The following PACSIN1 variants were observed in gnomAD, a reference collection of about 807,000 sequenced individuals.
PACSIN1 encodes protein kinase C and casein kinase substrate in neurons protein 1.
PACSIN1 carries 15 observed loss-of-function variants against 59.5 expected under a neutral mutation model. That is an observed-to-expected ratio of 0.25 (90% CI 0.17 to 0.39). PACSIN1 has a LOEUF of 0.39. Ranked by LOEUF, PACSIN1 falls within the 10% of genes least tolerant of loss-of-function variation. The pLI is 1.00. For missense variants in PACSIN1, 420 were observed against 580.2 expected (o/e 0.72, Z 2.84); for synonymous variants, 210 against 220.6 (o/e 0.95, Z 0.42).
intron 1 of PACSIN1, among the ~76,000 whole-genome samples, chr6:34,497,819 G>C (rs1208830789): frequency 6.6e-6 from 1 of 152,148 alleles, no homozygotes; most frequent in Non-Finnish European, 1.5e-5. Flanking sequence ...ATCTCCCAAA[G>C]TCCCCACTGG....
chr6:34,492,762 T>C (rs1766897066), intron 1 of PACSIN1, among the ~76,000 whole-genome samples: 1 of 152,202 alleles, frequency 6.6e-6, no homozygotes, highest in Non-Finnish European at 1.5e-5. Context: ...GAGCTAAACA[T>C]TGAGCACCCA....
intron 1 of PACSIN1, among the ~76,000 whole-genome samples, chr6:34,498,489 G>A (rs1766979252): frequency 1.3e-5 from 2 of 152,064 alleles, no homozygotes; most frequent in Admixed American, 6.6e-5. Context: ...GCAGCAGCCT[G>A]GTCTTGAGGA....
At position 34,514,952 on chromosome 6, in the gene PACSIN1, C is replaced by T. The variant is rs1046912189; in HGVS notation, c.-63-11291C>T. 5 of 152,328 alleles carry T rather than the reference C, an allele frequency of 3.3e-5. No individual in the cohort carries two copies. The highest frequency in any genetic ancestry group is 2.1e-4 in the South Asian group (1 of 4,842). The allele number at this position is 152,328 out of a possible 1,614,324, so 9.4% of individuals were successfully genotyped here. Reference sequence around the variant, plus strand: ...AGCCCCCAGCCCGGCAGCAGGCCCCCTCTCCGCCCGCCACCACGGAGGAGA... The same window carrying T: ...AGCCCCCAGCCCGGCAGCAGGCCCCTTCTCCGCCCGCCACCACGGAGGAGA... On this transcript the variant is annotated intron_variant, in intron 1 of 9. Coordinates refer to ENST00000244458, the MANE Select transcript of PACSIN1 (RefSeq NM_020804.5). The surrounding 1 kb of genome is among the most constrained non-coding windows in gnomAD (Gnocchi z 4.4).
chr6:34,489,075 G>T (rs982275833), intron 1 of PACSIN1, among the ~76,000 whole-genome samples: 1 of 151,956 alleles, frequency 6.6e-6, no homozygotes, highest in Admixed American at 6.6e-5. Flanking sequence ...CAGCTACTTG[G>T]GGGGCTGAGG....
chr6:34,500,825 G>A lies in PACSIN1; in HGVS notation c.-63-25418G>A, dbSNP rs146042244. Among the ~76,000 whole-genome samples the A allele has an allele frequency of 6.9e-3, 1,053 of 152,322 alleles. 11 individuals carry two copies. The highest frequency in any genetic ancestry group is 0.024 in the African/African-American group (999 of 41,564). ...TTCCACAGTGATCTTAGCTAGATCT[G>A]GATAACTTGCTGCAGCTTCTACATC... On this transcript the variant is annotated intron_variant, in intron 1 of 9. Coordinates refer to ENST00000244458, the MANE Select transcript of PACSIN1 (RefSeq NM_020804.5).
intron 1 of PACSIN1, among the ~76,000 whole-genome samples, chr6:34,508,260 C>T (rs1306492212): frequency 1.3e-5 from 2 of 152,082 alleles, no homozygotes; most frequent in South Asian, 2.1e-4. Context: ...TGCGCCACCA[C>T]ACCTGGCCAA....
At chr6:34,498,086 G>A (rs942647755) in intron 1 of PACSIN1, among the ~76,000 whole-genome samples, 10 of 151,252 alleles carry the variant, frequency 6.6e-5, no homozygotes, top group East Asian at 1.9e-4. Flanking sequence ...GTTTTGAGAC[G>A]TGGTCTCCCT....
At chr6:34,501,084 A>G (rs1767016151) in intron 1 of PACSIN1, among the ~76,000 whole-genome samples, 1 of 152,182 alleles carries the variant, frequency 6.6e-6, no homozygotes, top group African/African-American at 2.4e-5. Context: ...GTCAGCAATA[A>G]GGCTGTTTTG....
At chr6:34,522,011 G>C (rs562751363) in intron 1 of PACSIN1, among the ~76,000 whole-genome samples, 1 of 152,292 alleles carries the variant, frequency 6.6e-6, no homozygotes, top group East Asian at 1.9e-4. Context: ...GTAGCTGCGC[G>C]ATCTTGGCTT....
At chr6:34,511,880 G>A (rs1297091793) in intron 1 of PACSIN1, among the ~76,000 whole-genome samples, 1 of 152,124 alleles carries the variant, frequency 6.6e-6, no homozygotes, top group East Asian at 1.9e-4. Flanking sequence ...GCTGGATAAG[G>A]AGGCAAGGAG....
chr6:34,522,838 CA>C (rs1392635951), intron 1 of PACSIN1, among the ~76,000 whole-genome samples: 3 of 152,220 alleles, frequency 2.0e-5, no homozygotes, highest in African/African-American at 7.2e-5. Flanking sequence ...ATCTGATGTC[CA>C]GGGGCAGGAG....
At chr6:34,528,993 G>A in intron 4 of PACSIN1, 116 bp downstream of exon 4, 2 of 777,994 alleles carry the variant, frequency 2.6e-6, no homozygotes, top group African/African-American at 1.7e-5. Context: ...CTGGGATTGT[G>A]CCCACAGGGG....
At chr6:34,505,492 G>A (rs958502345) in intron 1 of PACSIN1, among the ~76,000 whole-genome samples, 59 of 140,554 alleles carry the variant, frequency 4.2e-4, no homozygotes, top group African/African-American at 1.2e-3. Context: ...TTCTATTTTA[G>A]TTCCACAGGT....
At position 34,532,271 on chromosome 6, in the gene PACSIN1, G is replaced by T. The variant is rs1048713934; in HGVS notation, c.1226-150G>T. 1.6e-6 allele frequency: 1 copy of T among 617,164 alleles called. No homozygotes were observed. Among genetic ancestry groups the T allele is most frequent in the African/African-American group, 1.9e-5 (1 of 53,814 alleles). 38.2% of individuals were successfully genotyped at this position (617,164 alleles called of 1,614,324 possible). On this transcript the variant is annotated intron_variant, in intron 9 of 9. Transcript: ENST00000244458. This position sits in a 1 kb window ranked among gnomAD's most constrained non-coding sequence, Gnocchi z 5.2. Reference sequence around the variant, plus strand: ...GGGTGGCACGTGAATGTTGGCGTGGGACTGGGGCTGGTTTCCAGGGGCGGG... The same window carrying T: ...GGGTGGCACGTGAATGTTGGCGTGGTACTGGGGCTGGTTTCCAGGGGCGGG...
intron 1 of PACSIN1, among the ~76,000 whole-genome samples, chr6:34,484,288 AG>A (rs1443612483): frequency 6.6e-6 from 1 of 152,242 alleles, no homozygotes; most frequent in Non-Finnish European, 1.5e-5. Context: ...TGAGCTATCA[AG>A]CCATGAAAAG....
rs1446841769 is a variant in PACSIN1 at position 34,531,092 on chromosome 6, TAA to T, written c.1038-505_1038-504del. The stretch of plus-strand genomic sequence containing the variant: ...GATCACAGGAACCAAGCCTCCTCTC[TAA>T]AAGATAGTGGTAGCATATCCTTCTA... On this transcript the variant is annotated intron_variant, in intron 8 of 9. Transcript: ENST00000244458. The surrounding 1 kb of genome is among the most constrained non-coding windows in gnomAD (Gnocchi z 4.4). 6.6e-6 allele frequency among the ~76,000 whole-genome samples: 1 copy of T among 152,224 alleles called. No individual in the cohort carries two copies. Among genetic ancestry groups the T allele is most frequent in the Non-Finnish European group, 1.5e-5 (1 of 68,040 alleles).
At chr6:34,495,866 CA>C (rs1222669744) in intron 1 of PACSIN1, among the ~76,000 whole-genome samples, 4 of 152,218 alleles carry the variant, frequency 2.6e-5, no homozygotes, top group Non-Finnish European at 5.9e-5. Context: ...AGAGATTACT[CA>C]AAGGGTCCCT....
chr6:34,528,621 G>T, intron 3 of PACSIN1, 21 bp from the exon 4 acceptor site: 1 of 1,582,848 alleles, frequency 6.3e-7, no homozygotes, highest in South Asian at 1.1e-5. Flanking sequence ...AGGTTCTTGT[G>T]ACCTATTGCC....
chr6:34,504,095 A>T (rs988890282), intron 1 of PACSIN1, among the ~76,000 whole-genome samples: 1 of 151,934 alleles, frequency 6.6e-6, no homozygotes, highest in Admixed American at 6.6e-5. Flanking sequence ...CCATCCATCC[A>T]TCCATTCACA....
Sources: gnomAD v4.1 joint callset for allele counts (sites outside exome capture counted in the v4.1 genomes callset) on GRCh38, gnomAD v4.1.1 for gene constraint, Gnocchi (gnomAD v3.1) non-coding constraint, MANE v1.5 for transcripts, NCBI Gene and HGNC (gene_info 2026-07-23, HGNC 2026-07-21) for gene names.